Variants in RBFOX1 observed in about 807,000 individuals in gnomAD.
The protein encoded by RBFOX1 is RNA binding protein fox-1 homolog 1.
Under a neutral mutation model 57.7 loss-of-function variants are expected in RBFOX1, and 8 were observed. The ratio of observed to expected loss-of-function variants is 0.14; its 90% CI spans 0.08 to 0.25. The LOEUF (loss-of-function observed/expected upper bound fraction) is 0.25. Among genes scored for constraint, RBFOX1 ranks in the 10% least tolerant of loss-of-function variants. RBFOX1 has a pLI of 1.00. For missense variants in RBFOX1, 611 were observed against 548.5 expected (o/e 1.11, Z -1.14); for synonymous variants, 326 against 222.4 (o/e 1.47, Z -4.15).
intron 4 of RBFOX1, among the ~76,000 whole-genome samples, chr16:5,976,621 G>C (rs1378279307): frequency 2.0e-5 from 3 of 152,132 alleles, no homozygotes; most frequent in African/African-American, 4.8e-5. Context: ...GCAGTCCCAG[G>C]ACTTTGGGAG....
At chr16:5,795,589 C>G (rs1483691855) in intron 3 of RBFOX1, among the ~76,000 whole-genome samples, 5 of 152,202 alleles carry the variant, frequency 3.3e-5, no homozygotes, top group African/African-American at 4.8e-5. Flanking sequence ...CTGTGCCTAG[C>G]CTGGTCTTCA....
Position 5,554,624 on chromosome 16 carries a change from A to T in RBFOX1, c.259-44278A>T, listed in dbSNP as rs577725587. ...CCATCTTGGGGCCAATGTAATGTCT[A>T]TCTTGGGGCCGTGATTCTGCACTTA... On this transcript the variant is annotated intron_variant, in intron 2 of 2. Coordinates refer to the RBFOX1 transcript ENST00000585867. 1.2e-4 allele frequency among the ~76,000 whole-genome samples: 19 copies of T among 152,254 alleles called. No individual in the cohort carries two copies. In the East Asian group the frequency reaches 3.5e-3, roughly 28 times the overall value.
intron 3 of RBFOX1, among the ~76,000 whole-genome samples, chr16:6,780,220 TATATATATATTTATATATATTTACA>T: frequency 1.3e-5 from 1 of 78,366 alleles, no homozygotes; most frequent in East Asian, 4.8e-4. Context: ...TATATATATT[TATATATATATTTATATATATTTACA>T]TATATATTTA....
chr16:7,539,460 TATAAA>T (rs1292239411), intron 5 of RBFOX1, among the ~76,000 whole-genome samples: 3 of 152,126 alleles, frequency 2.0e-5, no homozygotes, highest in Admixed American at 6.5e-5. Flanking sequence ...CACGGGATAA[TATAAA>T]GAGCGTATTT....
chr16:6,866,780 G>T (rs1387921477), intron 3 of RBFOX1, among the ~76,000 whole-genome samples: 1 of 151,828 alleles, frequency 6.6e-6, no homozygotes, highest in African/African-American at 2.4e-5. Context: ...CTGACCTCGT[G>T]ATCTGCCTGC....
chr16:7,042,925 C>T (rs536391540), intron 3 of RBFOX1, among the ~76,000 whole-genome samples: 40 of 152,148 alleles, frequency 2.6e-4, no homozygotes, highest in Non-Finnish European at 5.0e-4. Flanking sequence ...GACTTTGTTT[C>T]AAAAATAAAT....
intron 1 of RBFOX1, among the ~76,000 whole-genome samples, chr16:5,412,647 C>T (rs1035361574): frequency 2.6e-5 from 4 of 152,250 alleles, no homozygotes; most frequent in African/African-American, 4.8e-5. Context: ...CCTTATTGTG[C>T]GCTGGTTCTT....
chr16:5,537,712 T>C (rs2044755490), intron 2 of RBFOX1, among the ~76,000 whole-genome samples: 1 of 152,194 alleles, frequency 6.6e-6, no homozygotes, highest in Non-Finnish European at 1.5e-5. Context: ...TCCTTCTCAT[T>C]TTTCATTTCT....
chr16:6,262,406 G>C (rs1483210735), intron 1 of RBFOX1, among the ~76,000 whole-genome samples: 1 of 152,058 alleles, frequency 6.6e-6, no homozygotes, highest in Non-Finnish European at 1.5e-5. Flanking sequence ...GGGGTGGTGA[G>C]TGTGCCCTGC....
chr16:5,889,832 T>C (rs187340505), intron 4 of RBFOX1, among the ~76,000 whole-genome samples: 2 of 152,274 alleles, frequency 1.3e-5, no homozygotes, highest in East Asian at 1.9e-4. Context: ...CAACAGCCTG[T>C]AGTCGAGTGG....
At chr16:7,003,417 GC>G (rs2093011636) in intron 3 of RBFOX1, among the ~76,000 whole-genome samples, 2 of 151,028 alleles carry the variant, frequency 1.3e-5, no homozygotes, top group African/African-American at 4.9e-5. Flanking sequence ...CAGAGATTGC[GC>G]CACTGTACTG....
intron 3 of RBFOX1, among the ~76,000 whole-genome samples, chr16:6,772,523 G>T (rs111747370): frequency 2.7e-5 from 4 of 149,304 alleles, no homozygotes; most frequent in Admixed American, 1.3e-4. Flanking sequence ...TATATGGGTG[G>T]GTATGGGGCG....
intron 3 of RBFOX1, among the ~76,000 whole-genome samples, chr16:5,855,295 A>G (rs532789823): frequency 6.6e-6 from 1 of 152,238 alleles, no homozygotes; most frequent in South Asian, 2.1e-4. Context: ...AAAATTCACT[A>G]CGCAGACCAA....
At chr16:5,490,968 T>G (rs2042808322) in intron 2 of RBFOX1, among the ~76,000 whole-genome samples, 1 of 151,696 alleles carries the variant, frequency 6.6e-6, no homozygotes, top group South Asian at 2.1e-4. Flanking sequence ...ATACATTTAT[T>G]TATATATTTT....
intron 4 of RBFOX1, among the ~76,000 whole-genome samples, chr16:7,137,294 C>G (rs1374703911): frequency 6.6e-6 from 1 of 152,108 alleles, no homozygotes; most frequent in Non-Finnish European, 1.5e-5. Context: ...GGCTGTGTCC[C>G]CAGCCAAATG....
At chr16:5,390,874 C>G (rs1234993454) in intron 1 of RBFOX1, among the ~76,000 whole-genome samples, 2 of 152,122 alleles carry the variant, frequency 1.3e-5, no homozygotes, top group African/African-American at 4.8e-5. Flanking sequence ...TAAGGGAAAG[C>G]TAGGACCCAC....
At chr16:5,757,196 G>A (rs1023456318) in intron 3 of RBFOX1, among the ~76,000 whole-genome samples, 12 of 151,404 alleles carry the variant, frequency 7.9e-5, no homozygotes, top group East Asian at 2.0e-4. Flanking sequence ...CATGAAGAGC[G>A]TGGCGGGGAA....
intron 1 of RBFOX1, among the ~76,000 whole-genome samples, chr16:6,035,660 A>T (rs950228702): frequency 6.6e-6 from 1 of 152,212 alleles, no homozygotes; most frequent in Non-Finnish European, 1.5e-5. Flanking sequence ...TGCACGTGGC[A>T]GACATTGATA....
At chr16:6,229,267 C>T (rs914567393) in intron 1 of RBFOX1, among the ~76,000 whole-genome samples, 1 of 152,206 alleles carries the variant, frequency 6.6e-6, no homozygotes, top group Admixed American at 6.5e-5. Context: ...AAACCTCTTT[C>T]TCCAAGGAAA....
Sources: gnomAD v4.1 joint callset for allele counts (sites outside exome capture counted in the v4.1 genomes callset) on GRCh38, gnomAD v4.1.1 for gene constraint, MANE v1.5 for transcripts, NCBI Gene and HGNC (gene_info 2026-07-23, HGNC 2026-07-21) for gene names.